Variants in NTRK3 observed in about 807,000 individuals in gnomAD.
NTRK3 encodes the protein neurotrophic receptor tyrosine kinase 3, also known as NT-3 growth factor receptor.
NTRK3 carries 24 observed loss-of-function variants against 91.7 expected under a neutral mutation model. The observed-to-expected ratio is 0.26, with a 90% CI of 0.19 to 0.37. NTRK3 has a LOEUF of 0.37. Ranked by LOEUF, NTRK3 falls within the 10% of genes least tolerant of loss-of-function variation. NTRK3 has a pLI of 1.00. For synonymous variants in NTRK3, 483 were observed against 404.0 expected, an observed-to-expected ratio of 1.20 and a Z score of -2.34; for missense variants, 880 against 1,068.9, an observed-to-expected ratio of 0.82 and a Z score of 2.46.
intron 3 of NTRK3, among the ~76,000 whole-genome samples, chr15:88,231,800 G>A (rs1469123488): frequency 1.3e-5 from 2 of 152,144 alleles, no homozygotes; most frequent in African/African-American, 4.8e-5. Flanking sequence ...TCAACCTACT[G>A]TAAGATTGAA....
intron 17 of NTRK3, among the ~76,000 whole-genome samples, chr15:87,903,296 A>T (rs2066561699): frequency 6.6e-6 from 1 of 152,234 alleles, no homozygotes; most frequent in South Asian, 2.1e-4. Flanking sequence ...GCGGAAGCAA[A>T]GGGACTTGAC....
intron 13 of NTRK3, among the ~76,000 whole-genome samples, chr15:88,099,418 G>A (rs1018805645): frequency 6.6e-6 from 1 of 152,178 alleles, no homozygotes; most frequent in African/African-American, 2.4e-5. Flanking sequence ...GGCTGGACAA[G>A]GGGAAATGAC....
chr15:88,127,974 C>G (rs1156879401), intron 11 of NTRK3, among the ~76,000 whole-genome samples: 5 of 152,152 alleles, frequency 3.3e-5, no homozygotes, highest in African/African-American at 1.2e-4. Flanking sequence ...TCCTCTAAGG[C>G]TGAAGACAAC....
chr15:88,062,065 G>A (rs550794686), intron 13 of NTRK3, among the ~76,000 whole-genome samples: 47 of 152,178 alleles, frequency 3.1e-4, no homozygotes, highest in Non-Finnish European at 6.0e-4. Flanking sequence ...TTTACGTAGC[G>A]CTTACATTGT....
intron 6 of NTRK3, among the ~76,000 whole-genome samples, chr15:88,147,010 T>C (rs896976996): frequency 6.6e-5 from 10 of 152,198 alleles, no homozygotes; most frequent in African/African-American, 2.4e-4. Flanking sequence ...TAAAGTTATA[T>C]ATTATGAATG....
intron 5 of NTRK3, among the ~76,000 whole-genome samples, chr15:88,164,954 A>G (rs1247782278): frequency 6.6e-6 from 1 of 152,168 alleles, no homozygotes; most frequent in African/African-American, 2.4e-5. Flanking sequence ...GTGTTCACAT[A>G]GACTCACTCA....
chr15:88,245,910 G>C (rs1440751730), intron 3 of NTRK3, among the ~76,000 whole-genome samples: 2 of 152,170 alleles, frequency 1.3e-5, no homozygotes, highest in African/African-American at 4.8e-5. Context: ...CCCAGTAGAA[G>C]GGATAATGTC....
At chr15:87,931,167 T>C in intron 16 of NTRK3, 1 of 513,138 alleles carries the variant, frequency 1.9e-6, no homozygotes, top group Non-Finnish European at 3.9e-6. Context: ...TTATCATGTA[T>C]GACAGTAGTG....
chr15:88,205,227 G>C (rs80264903), intron 3 of NTRK3, among the ~76,000 whole-genome samples: 1 of 152,290 alleles, frequency 6.6e-6, no homozygotes, highest in East Asian at 1.9e-4. Flanking sequence ...CTGGAGCCTT[G>C]ATGCCTTAGT....
chr15:88,139,557 G>A (rs1411159643), intron 6 of NTRK3, among the ~76,000 whole-genome samples: 2 of 152,184 alleles, frequency 1.3e-5, no homozygotes, highest in Non-Finnish European at 2.9e-5. Flanking sequence ...ATACCCCTAT[G>A]TGGTATCATC....
chr15:88,014,692 C>G (rs1316244065), intron 14 of NTRK3, among the ~76,000 whole-genome samples: 2 of 152,212 alleles, frequency 1.3e-5, no homozygotes, highest in Non-Finnish European at 2.9e-5. Context: ...AAAAAACAGG[C>G]TCTCTCAGGT....
chr15:88,074,502 C>T (rs1319470313), intron 13 of NTRK3, among the ~76,000 whole-genome samples: 2 of 152,242 alleles, frequency 1.3e-5, no homozygotes, highest in South Asian at 2.1e-4. Context: ...CTGTCTCTGA[C>T]ATCAGGCTGA....
chr15:88,203,984 T>C (rs1420345344), intron 3 of NTRK3, among the ~76,000 whole-genome samples: 1 of 152,212 alleles, frequency 6.6e-6, no homozygotes, highest in African/African-American at 2.4e-5. Context: ...ATCTACATTT[T>C]AAGCCTCACA....
rs1247437519 is a variant in NTRK3 at position 88,183,625 on chromosome 15, A to G, written c.324-136T>C. On this transcript the variant is annotated intron_variant, in intron 4 of 18. Transcript: ENST00000394480. ...GGATTATCTACACCTCTTCATTGCC[A>G]GTTATCACAGGTGGCCTGCTGGGGT... 3.6e-6 allele frequency: 3 copies of G among 839,868 alleles called. No homozygotes were observed. In the African/African-American group the frequency reaches 5.0e-5, roughly 14 times the overall value. The allele number at this position is 839,868 out of a possible 1,614,324, so 52.0% of individuals were successfully genotyped here.
chr15:88,172,579 A>G (rs2045618115), intron 5 of NTRK3, among the ~76,000 whole-genome samples: 1 of 152,248 alleles, frequency 6.6e-6, no homozygotes, highest in Non-Finnish European at 1.5e-5. Context: ...GGTTCAGTCC[A>G]GGGGATTCTA....
At chr15:88,139,497 A>G (rs116254629) in intron 6 of NTRK3, among the ~76,000 whole-genome samples, 2,195 of 152,274 alleles carry the variant, frequency 0.014, 54 homozygotes, top group African/African-American at 0.048. Flanking sequence ...CTCCTGGGGA[A>G]AAGAATCAGT....
chr15:88,098,296 G>A (rs2049829089), intron 13 of NTRK3, among the ~76,000 whole-genome samples: 1 of 152,306 alleles, frequency 6.6e-6, no homozygotes, highest in East Asian at 1.9e-4. Context: ...GTGAGAGAGT[G>A]GGATTTCAGA....
At chr15:87,895,714 T>C (rs1040979872) in intron 17 of NTRK3, among the ~76,000 whole-genome samples, 3 of 152,064 alleles carry the variant, frequency 2.0e-5, no homozygotes, top group African/African-American at 7.2e-5. Flanking sequence ...ACCTGCTCGC[T>C]CTCTGAAGTC....
At chr15:88,108,343 T>C (rs1426097028) in intron 13 of NTRK3, among the ~76,000 whole-genome samples, 1 of 152,180 alleles carries the variant, frequency 6.6e-6, no homozygotes, top group Non-Finnish European at 1.5e-5. Flanking sequence ...TACGCTGGGA[T>C]CTTGGACACA....
Sources: gnomAD v4.1 joint callset for allele counts (sites outside exome capture counted in the v4.1 genomes callset) on GRCh38, gnomAD v4.1.1 for gene constraint, MANE v1.5 for transcripts, NCBI Gene and HGNC (gene_info 2026-07-23, HGNC 2026-07-21) for gene names.